Variants in VWA8 observed in about 807,000 individuals in gnomAD.
VWA8 encodes the protein von Willebrand factor A domain containing 8, also known as von Willebrand factor A domain-containing protein 8.
Under a neutral mutation model 241.5 loss-of-function variants are expected in VWA8, and 221 were observed. The observed-to-expected ratio is 0.91, with a 90% CI of 0.82 to 1.02. The LOEUF (loss-of-function observed/expected upper bound fraction) is 1.02. VWA8 is among the 50% of genes least tolerant of loss of function. The probability of loss-of-function intolerance (pLI) is 0.00; values close to 1 mark genes in which losing one functional copy is unlikely to be tolerated. For missense variants in VWA8, 2,322 were observed against 2,328.7 expected (o/e 1.00, Z 0.06); for synonymous variants, 852 against 827.1 (o/e 1.03, Z -0.52).
chr13:41,869,416 C>T (rs1333702513), intron 9 of VWA8, among the ~76,000 whole-genome samples: 1 of 151,904 alleles, frequency 6.6e-6, no homozygotes, highest in African/African-American at 2.4e-5. Context: ...AGCGGATCAC[C>T]TGAGGTCAGG....
chr13:41,958,838 C>T (rs944186560), intron 1 of VWA8, among the ~76,000 whole-genome samples: 5 of 152,202 alleles, frequency 3.3e-5, no homozygotes, highest in African/African-American at 1.2e-4. Context: ...ATGACTCTCA[C>T]ATTTGAAGCA....
rs551059830 is a variant in VWA8, at chr13:41,819,405, T to C, written c.1701-19A>G. 1.4e-5 allele frequency: 22 copies of C among 1,581,482 alleles called. No homozygotes were observed. In the East Asian group the frequency reaches 4.7e-4, roughly 34 times the overall value. ...AATGGATCTAAAATAGGAAAAAAAATGAAAAAAAATAACATATCTTTCATG... is the reference window on the plus strand; with the variant it reads ...AATGGATCTAAAATAGGAAAAAAAACGAAAAAAAATAACATATCTTTCATG... On this transcript the variant is annotated intron_variant, in intron 14 of 44. Coordinates refer to ENST00000379310, the MANE Select transcript of VWA8 (RefSeq NM_015058.2).
At chr13:41,902,003 G>C (rs1268266524) in intron 4 of VWA8, among the ~76,000 whole-genome samples, 4 of 148,062 alleles carry the variant, frequency 2.7e-5, no homozygotes, top group Non-Finnish European at 5.9e-5. Flanking sequence ...GCAAACACTT[G>C]AGTTCTAACA....
At chr13:41,780,701 C>G (rs1428412518) in intron 19 of VWA8, among the ~76,000 whole-genome samples, 1 of 152,166 alleles carries the variant, frequency 6.6e-6, no homozygotes, top group East Asian at 1.9e-4. Context: ...CTTCTTTGTT[C>G]AAAATCTTGT....
rs1419111079 is a variant in VWA8, at chr13:41,946,065, C to A, written c.241+3871G>T. 2.6e-5 allele frequency among the ~76,000 whole-genome samples: 4 copies of A among 151,834 alleles called. No homozygotes were observed. In the East Asian group the frequency reaches 7.8e-4, roughly 29 times the overall value. ...AAAGGATCCTTGTTAAGATTGATAA[C>A]TGACTTCTTTTCAAAATCTAGGAAG... On this transcript the variant is annotated intron_variant, in intron 2 of 44. Coordinates refer to ENST00000379310, the MANE Select transcript of VWA8 (RefSeq NM_015058.2).
At chr13:41,939,596 C>T (rs1352839477) in intron 2 of VWA8, among the ~76,000 whole-genome samples, 2 of 152,090 alleles carry the variant, frequency 1.3e-5, no homozygotes, top group Non-Finnish European at 1.5e-5. Context: ...GCTGTGAAGA[C>T]AGAAGCAATT....
At chr13:41,607,295 T>C (rs1007534164) in intron 39 of VWA8, among the ~76,000 whole-genome samples, 1 of 152,140 alleles carries the variant, frequency 6.6e-6, no homozygotes, top group African/African-American at 2.4e-5. Flanking sequence ...CACTATAATA[T>C]CTGAATGGTT....
chr13:41,590,662 C>G lies in VWA8; in HGVS notation c.5090G>C (p.Arg1697Pro). The change falls in exon 41 of 45, where the codon CGT becomes CCT. Residue 1697 changes from arginine to proline, a missense_variant. Transcript: ENST00000379310. ...GLTGEKAIYKRRGELEPQLGS... is the reference protein window; with the variant it reads ...GLTGEKAIYKPRGELEPQLGS... ...TACTTGTGGCTCCAGCTCACCCCGACGTTTGTAGATGGCTTTTTCTCCAGT... is the reference window on the plus strand; with the variant it reads ...TACTTGTGGCTCCAGCTCACCCCGAGGTTTGTAGATGGCTTTTTCTCCAGT... 6.2e-7 allele frequency: 1 copy of G among 1,614,020 alleles called. No homozygotes were observed. The highest frequency in any genetic ancestry group is 2.2e-5 in the East Asian group (1 of 44,872).
At chr13:41,867,746 G>A (rs1873378908) in intron 10 of VWA8, among the ~76,000 whole-genome samples, 2 of 152,128 alleles carry the variant, frequency 1.3e-5, no homozygotes, top group Admixed American at 6.5e-5. Context: ...TGGGCACAGT[G>A]GCATGTGCCT....
intron 35 of VWA8, among the ~76,000 whole-genome samples, chr13:41,684,011 A>G (rs1164737724): frequency 1.3e-5 from 2 of 152,142 alleles, no homozygotes; most frequent in African/African-American, 2.4e-5. Flanking sequence ...ATTAACTCTC[A>G]TCTTTCAAGA....
chr13:41,628,385 A>G (rs2044706474), intron 37 of VWA8, among the ~76,000 whole-genome samples: 1 of 152,202 alleles, frequency 6.6e-6, no homozygotes, highest in South Asian at 2.1e-4. Context: ...AAAAGAATAT[A>G]AATTGTTCAT....
intron 26 of VWA8, among the ~76,000 whole-genome samples, chr13:41,710,603 A>G (rs1365408376): frequency 6.6e-6 from 1 of 152,240 alleles, no homozygotes; most frequent in Non-Finnish European, 1.5e-5. Context: ...CTTTTCTGAA[A>G]TGAAATTAAA....
Position 41,587,539 on chromosome 13 carries a change from G to A in VWA8, c.5244C>T (p.Ala1748=), listed in dbSNP as rs758301995. 4 of 1,614,110 alleles carry A rather than the reference G, an allele frequency of 2.5e-6. No individual in the cohort carries two copies. Among genetic ancestry groups the A allele is most frequent in the Non-Finnish European group, 8.5e-7 (1 of 1,180,022 alleles). ...GGAACTTCTCCTCATAGTTCTCGAA[G>A]GCTTCCATGACCATACACACAGCCT... ...TMEAVCMVME[A]FENYEEKFQY... The change falls in exon 42 of 45, where the codon GCC becomes GCT. Residue 1748 remains alanine, a synonymous_variant. Transcript: ENST00000379310.
chr13:41,787,195 T>C (rs1461828705), intron 18 of VWA8, among the ~76,000 whole-genome samples: 1 of 144,264 alleles, frequency 6.9e-6, no homozygotes, highest in African/African-American at 2.6e-5. Flanking sequence ...CAATTGTGAG[T>C]CTTAAGGGTG....
Position 41,819,288 on chromosome 13 carries a change from A to G in VWA8, c.1799T>C (p.Leu600Ser), listed in dbSNP as rs142910513. ...CATGTAATGGAAAAAGAACATGGTT[A>G]AGAATTCTGGTCCCAGCCACTGGTG... ...TAHQWLGPEF[L>S]TMFFFHYMKP... The change falls in exon 15 of 45, where the codon TTA becomes TCA. Residue 600 changes from leucine (L) to serine (S), a missense_variant. By Grantham distance (145) the Leu-to-Ser change is moderately radical (BLOSUM62 -2). Coordinates refer to ENST00000379310, the MANE Select transcript of VWA8 (RefSeq NM_015058.2). 6.8e-6 allele frequency: 11 copies of G among 1,613,398 alleles called. No individual in the cohort carries two copies. In the African/African-American group the frequency reaches 1.5e-4, roughly 22 times the overall value.
chr13:41,837,342 T>G (rs1871786937), intron 12 of VWA8, among the ~76,000 whole-genome samples: 1 of 152,222 alleles, frequency 6.6e-6, no homozygotes, highest in Non-Finnish European at 1.5e-5. Flanking sequence ...AGCTTTTCCT[T>G]AAAGAGATAG....
At chr13:41,708,203 C>CA (rs1172868757) in intron 26 of VWA8, among the ~76,000 whole-genome samples, 2 of 151,538 alleles carry the variant, frequency 1.3e-5, no homozygotes, top group Non-Finnish European at 2.9e-5. Context: ...ACCACAAATG[C>CA]AAAAAAAATT....
intron 20 of VWA8, among the ~76,000 whole-genome samples, chr13:41,777,356 A>C (rs1266617653): frequency 6.6e-6 from 1 of 152,152 alleles, no homozygotes; most frequent in African/African-American, 2.4e-5. Context: ...TGGGAAGGGG[A>C]CAGGAAGTTC....
intron 16 of VWA8, among the ~76,000 whole-genome samples, chr13:41,815,321 C>G (rs1870643524): frequency 6.6e-6 from 1 of 152,180 alleles, no homozygotes; most frequent in Admixed American, 6.5e-5. Flanking sequence ...CCTTATCCTC[C>G]CAAAAATCCA....
Sources: allele counts gnomAD v4.1 joint callset (sites outside exome capture counted in the v4.1 genomes callset), GRCh38; gene constraint gnomAD v4.1.1; transcripts MANE v1.5; gene names NCBI Gene and HGNC (gene_info 2026-07-23, HGNC 2026-07-21).